Variants in MMP25 observed in about 807,000 individuals in gnomAD.
MMP25 encodes the protein matrix metallopeptidase 25, also known as matrix metalloproteinase-25.
A neutral mutation model predicts 62.1 loss-of-function variants in MMP25; 68 were observed. That is an observed-to-expected ratio of 1.10 (90% CI 0.90 to 1.34). The LOEUF is 1.34. MMP25 is among the 40% of genes most tolerant of loss of function. MMP25 has a pLI of 0.00. For synonymous variants in MMP25, 407 were observed against 345.6 expected, an observed-to-expected ratio of 1.18 and a Z score of -1.97; for missense variants, 942 against 792.5, an observed-to-expected ratio of 1.19 and a Z score of -2.26.
intron 1 of MMP25, 152 bp from the exon 2 acceptor site, chr16:3,047,263 C>G: frequency 1.7e-6 from 2 of 1,208,816 alleles, no homozygotes; most frequent in Non-Finnish European, 2.3e-6. Flanking sequence ...GGGACTGAAG[C>G]GGGGACCTAT....
intron 2 of MMP25, among the ~76,000 whole-genome samples, chr16:3,049,196 C>T (rs755648271): frequency 9.2e-5 from 14 of 151,632 alleles, no homozygotes; most frequent in Non-Finnish European, 4.4e-5. Flanking sequence ...CTGCGGAGTC[C>T]ACACGAGGGA....
At position 3,058,164 on chromosome 16, in the gene MMP25, C is replaced by A. The variant is rs777870178; in HGVS notation, c.1007-17C>A. On this transcript the variant is annotated splice_polypyrimidine_tract_variant and intron_variant, in intron 7 of 9. Coordinates refer to ENST00000336577, the MANE Select transcript of MMP25 (RefSeq NM_022468.5). ...TGCTGTCTCATGCCTTCCTGCGAAC[C>A]CCTTTGTCCCCTGCAGGCCCCTGGT... 2 of 1,607,254 alleles carry A rather than the reference C, an allele frequency of 1.2e-6. No individual in the cohort carries two copies. The highest frequency in any genetic ancestry group is 1.1e-5 in the South Asian group (1 of 90,410).
rs558334268 is a variant in MMP25 at position 3,048,805 on chromosome 16, ATTTT to A, written c.233-1188_233-1185del. 6.4e-5 allele frequency among the ~76,000 whole-genome samples: 9 copies of A among 140,208 alleles called. No homozygotes were observed. The East Asian group carries it at 1.7e-3, about 26-fold the overall frequency. 92.0% of individuals were successfully genotyped at this position (140,208 alleles called of 152,430 possible). On this transcript the variant is annotated intron_variant, in intron 2 of 9. Coordinates refer to ENST00000336577, the MANE Select transcript of MMP25 (RefSeq NM_022468.5). ...AATTCAGAACTTGGTATGACTTGCAATTTTTTTTTTTTTTTTTTTAGACAGAGTC... is the reference window on the plus strand; with the variant it reads ...AATTCAGAACTTGGTATGACTTGCAATTTTTTTTTTTTTTTAGACAGAGTC...
intron 4 of MMP25, chr16:3,056,821 C>A: frequency 1.9e-6 from 1 of 530,422 alleles, no homozygotes. Flanking sequence ...TCTTTTCAGC[C>A]CTGTGGTCCA....
chr16:3,046,863 C>CG lies in MMP25; in HGVS notation c.-53dup. ...GATCTCCTCCCCCAGGTCCCCGGGG[C>CG]GGCCCCAGCCAGGCCCCCTTCGAAC... On this transcript the variant is annotated 5_prime_UTR_variant, in exon 1 of 10. Transcript: ENST00000336577. 1 of 1,042,762 alleles carries CG rather than the reference C, an allele frequency of 9.6e-7. No homozygotes were observed. Among genetic ancestry groups the CG allele is most frequent in the African/African-American group, 1.7e-5 (1 of 58,798 alleles). The allele number at this position is 1,042,762 out of a possible 1,614,324, so 64.6% of individuals were successfully genotyped here. A position where few individuals can be genotyped will look rare whatever the true frequency, so the allele number is the denominator to read the frequency against.
In MMP25 at chr16:3,057,202, A is replaced by G; in HGVS notation, c.831A>G (p.Gln277=). Residue 277 remains glutamine, a synonymous_variant, in exon 5 of 10, where the codon CAA becomes CAG. Transcript: ENST00000336577. ...LSQDDRDGLQ[Q]LYGKAPQTPY... is the part of the protein sequence containing the mutation. ...AGGATGACCGCGATGGCCTGCAGCA[A>G]CTCTATGGTAGGGGGAGAGGGACCT... is the stretch of plus-strand genomic sequence containing the variant. 1 of 1,612,414 alleles carries G rather than the reference A, an allele frequency of 6.2e-7. No individual in the cohort carries two copies. The highest frequency in any genetic ancestry group is 1.3e-5 in the African/African-American group (1 of 74,774).
rs1367593405 is a variant in MMP25, at chr16:3,059,305, G to A, written c.*207G>A. On this transcript the variant is annotated 3_prime_UTR_variant, in exon 10 of 10. Coordinates refer to ENST00000336577, the MANE Select transcript of MMP25 (RefSeq NM_022468.5). ...TGGCGCTGGGCTCAGTCTCCTCAGG[G>A]TCTGAGACCCCGGCGCTGCCACCGG... is the stretch of plus-strand genomic sequence containing the variant. The A allele has an allele frequency of 6.1e-6, 3 of 489,440 alleles. No individual in the cohort carries two copies. Among genetic ancestry groups the A allele is most frequent in the Non-Finnish European group, 9.9e-6 (3 of 301,736 alleles). The allele number at this position is 489,440 out of a possible 1,614,324, so 30.3% of individuals were successfully genotyped here.
rs113434817 is a variant in MMP25, at chr16:3,050,191, C to T, written c.368+47C>T. On this transcript the variant is annotated intron_variant, in intron 3 of 9. Transcript: ENST00000336577. ...CACCCTGGCCCTGCCTGCTGGGCTC[C>T]GGCTTTGAATGGCTGCCTGCTCCCT... 56 of 1,579,928 alleles carry T rather than the reference C, an allele frequency of 3.5e-5. No individual in the cohort carries two copies. The African/African-American group carries it at 4.4e-4, about 13-fold the overall frequency.
In MMP25 at chr16:3,059,543, C is replaced by G. The variant is rs935235443; in HGVS notation, c.*445C>G. 2.2e-4 allele frequency: 35 copies of G among 157,034 alleles called. No individual in the cohort carries two copies. Among genetic ancestry groups the G allele is most frequent in the Non-Finnish European group, 3.4e-4 (24 of 71,494 alleles). 9.7% of individuals were successfully genotyped at this position (157,034 alleles called of 1,614,324 possible). A position where few individuals can be genotyped will look rare whatever the true frequency, so the allele number is the denominator to read the frequency against. ...CAGGACCTTCCTTTTCCAGGAAGAG[C>G]CAGCTTTTCTCGGAGCGCAGTCCTG... is the stretch of plus-strand genomic sequence containing the variant. On this transcript the variant is annotated 3_prime_UTR_variant, in exon 10 of 10. Coordinates refer to ENST00000336577, the MANE Select transcript of MMP25 (RefSeq NM_022468.5).
intron 2 of MMP25, among the ~76,000 whole-genome samples, chr16:3,048,082 G>A (rs1415700915): frequency 5.9e-5 from 9 of 152,114 alleles, no homozygotes; most frequent in African/African-American, 1.9e-4. Flanking sequence ...CAGGTAACCC[G>A]CCGGCCTTGG....
At chr16:3,050,657 A>G in intron 4 of MMP25, 111 bp downstream of exon 4, 1 of 1,153,500 alleles carries the variant, frequency 8.7e-7, no homozygotes, top group Non-Finnish European at 1.2e-6. Context: ...TCTGTTGCTC[A>G]GGCTAGAGTG....
chr16:3,058,254 G>A lies in MMP25; in HGVS notation c.1080G>A (p.Trp360Ter), dbSNP rs1956048106. 6.2e-6 allele frequency: 10 copies of A among 1,611,558 alleles called. No individual in the cohort carries two copies. Among genetic ancestry groups the A allele is most frequent in the Non-Finnish European group, 7.6e-6 (9 of 1,179,274 alleles). ...SPRPARLHRF[W>*]EGLPAQVRVV... ...GACCCGCACGGCTGCACCGCTTCTG[G>A]GAGGGGCTGCCCGCCCAGGTGAGGG... The change falls in exon 8 of 10, where the codon TGG becomes TGA. Residue 360 changes from tryptophan to a stop codon, truncating the protein, a stop_gained. Coordinates refer to ENST00000336577, the MANE Select transcript of MMP25 (RefSeq NM_022468.5). LOFTEE classifies it high-confidence loss of function.
Position 3,059,214 on chromosome 16 carries a change from G to C in MMP25, c.*116G>C, listed in dbSNP as rs999264022. The C allele has an allele frequency of 1.6e-6, 2 of 1,281,962 alleles. No homozygotes were observed. The highest frequency in any genetic ancestry group is 2.7e-5 in the East Asian group (1 of 37,370). 79.4% of individuals were successfully genotyped at this position (1,281,962 alleles called of 1,614,324 possible). On this transcript the variant is annotated 3_prime_UTR_variant, in exon 10 of 10. Coordinates refer to ENST00000336577, the MANE Select transcript of MMP25 (RefSeq NM_022468.5). Reference sequence around the variant, plus strand: ...CCCTTGTCTGTTCCCACGGACGGGGGCTCGGGCGCGGACTAAGCAGGGGGG... The same window carrying C: ...CCCTTGTCTGTTCCCACGGACGGGGCCTCGGGCGCGGACTAAGCAGGGGGG...
chr16:3,058,141 C>T (rs777072062), intron 7 of MMP25, 40 bp from the exon 8 acceptor site: 74 of 1,600,260 alleles, frequency 4.6e-5, no homozygotes, highest in Non-Finnish European at 6.3e-5. Context: ...AGACCTCCTG[C>T]TGTCTCATGC....
In MMP25 at chr16:3,060,058, G is replaced by C. The variant is rs1267981850; in HGVS notation, c.*960G>C. On this transcript the variant is annotated 3_prime_UTR_variant, in exon 10 of 10. Transcript: ENST00000336577. ...AGGGACCGAACCCTGGCTCAGGCCT[G>C]GTCATTGCCTCCTCAGCACTCCCTC... The C allele has an allele frequency of 6.6e-6, 1 of 152,252 alleles. No individual in the cohort carries two copies. Among genetic ancestry groups the C allele is most frequent in the African/African-American group, 2.4e-5 (1 of 41,378 alleles). 9.4% of individuals were successfully genotyped at this position (152,252 alleles called of 1,614,324 possible). A position where few individuals can be genotyped will look rare whatever the true frequency, so the allele number is the denominator to read the frequency against.
At chr16:3,055,517 T>C (rs1212966813) in intron 4 of MMP25, among the ~76,000 whole-genome samples, 2 of 152,202 alleles carry the variant, frequency 1.3e-5, no homozygotes, top group African/African-American at 4.8e-5. Context: ...CCAGGGTACC[T>C]GGCCATCTAC....
At chr16:3,054,599 C>T (rs1366321100) in intron 4 of MMP25, 1 of 144,846 alleles carries the variant, frequency 6.9e-6, no homozygotes, top group East Asian at 2.1e-4. Flanking sequence ...GATGGATGGA[C>T]AGATGCATGC....
intron 2 of MMP25, among the ~76,000 whole-genome samples, chr16:3,047,838 A>T (rs796093500): frequency 3.0e-5 from 4 of 134,954 alleles, no homozygotes; most frequent in African/African-American, 8.2e-5. Context: ...CTCTCCAAGG[A>T]TTTTTTTTTT....
Position 3,058,899 on chromosome 16 carries a change from C to T in MMP25, c.1490C>T (p.Ala497Val), listed in dbSNP as rs200340446. The change falls in exon 10 of 10, where the codon GCC (alanine) becomes GTC (valine). Residue 497 changes from alanine to valine, a missense_variant. Physicochemically the swap from Ala to Val is moderately conservative, Grantham distance 64. Coordinates refer to ENST00000336577, the MANE Select transcript of MMP25 (RefSeq NM_022468.5). ...PKNSIKTEPDAPQPMGPNWLD... is the reference protein window; with the variant it reads ...PKNSIKTEPDVPQPMGPNWLD... ...AACAGCATCAAGACCGAGCCGGACG[C>T]CCCCCAGCCCATGGGGCCCAACTGG... The T allele has an allele frequency of 4.5e-6, 7 of 1,554,056 alleles. No individual in the cohort carries two copies. Among genetic ancestry groups the T allele is most frequent in the Middle Eastern group, 1.7e-4 (1 of 5,992 alleles).
Sources: allele counts gnomAD v4.1 joint callset (sites outside exome capture counted in the v4.1 genomes callset), GRCh38; gene constraint gnomAD v4.1.1; transcripts MANE v1.5; gene names NCBI Gene and HGNC (gene_info 2026-07-23, HGNC 2026-07-21).